SLC22A3: variants seen among roughly 807,000 people sequenced by gnomAD.
SLC22A3 encodes EMT organic cation transporter 3.
A neutral mutation model predicts 59.1 loss-of-function variants in SLC22A3; 51 were observed. The ratio of observed to expected loss-of-function variants is 0.86; its 90% confidence interval spans 0.69 to 1.09. The LOEUF (loss-of-function observed/expected upper bound fraction) is 1.09. Ranked by LOEUF, SLC22A3 falls within the 50% of genes least tolerant of loss-of-function variation. SLC22A3 has a pLI of 0.00. For missense variants in SLC22A3, 711 were observed against 726.3 expected, an observed-to-expected ratio of 0.98 and a Z score of 0.24; for synonymous variants, 325 against 292.0, an observed-to-expected ratio of 1.11 and a Z score of -1.15.
At position 160,384,567 on chromosome 6, in the gene SLC22A3, G is replaced by A. The variant is rs145951556; in HGVS notation, c.430-13412G>A. On this transcript the variant is annotated intron_variant, in intron 1 of 10. Transcript: ENST00000275300. ...AAAGACTCAGGTGTTTCTAAGCCAG[G>A]GGAGCCAGTGGGGCTGAACACAAGA... Among the ~76,000 whole-genome samples, 1,094 of 152,222 alleles carry A rather than the reference G, an allele frequency of 7.2e-3. 3 individuals are homozygous for A. Among genetic ancestry groups the A allele is most frequent in the Non-Finnish European group, 0.012 (808 of 67,996 alleles).
intron 5 of SLC22A3, 70 bp from the exon 6 acceptor site, chr6:160,436,710 G>T: frequency 3.1e-6 from 3 of 956,800 alleles, no homozygotes; most frequent in South Asian, 2.9e-5. Context: ...TCTGGTTAAT[G>T]ACAAGTCTAT....
rs150818262 is a variant in SLC22A3 at position 160,406,523 on chromosome 6, C to T, written c.534-518C>T. On this transcript the variant is annotated intron_variant, in intron 2 of 10. Transcript: ENST00000275300. ...AACTTTGTAGTTTATAAAACACTTT[C>T]ACATTAACATCTCATTTGATCCTCT... 1.5e-3 allele frequency among the ~76,000 whole-genome samples: 223 copies of T among 152,288 alleles called. 2 individuals carry two copies. The Middle Eastern group carries it at 0.02, about 14-fold the overall frequency.
At chr6:160,443,293 C>T (rs1429417801) in intron 8 of SLC22A3, among the ~76,000 whole-genome samples, 2 of 152,190 alleles carry the variant, frequency 1.3e-5, no homozygotes, top group Non-Finnish European at 2.9e-5. Context: ...CGGATTAGTG[C>T]AAATCAACCT....
chr6:160,382,571 C>A, intron 1 of SLC22A3, among the ~76,000 whole-genome samples: 1 of 152,264 alleles, frequency 6.6e-6, no homozygotes, highest in South Asian at 2.1e-4. Context: ...CTCAGAAAGG[C>A]TGCAGTGACT....
rs370990937 is a variant in SLC22A3, at chr6:160,408,767, G to T, written c.703G>T (p.Gly235Cys). ...TTTTCCTTTAGTGACAGAAATAGTA[G>T]GTTCGAAACAAAGGAGGATTGTGGG... is the stretch of plus-strand genomic sequence containing the variant. Reference protein sequence around the residue: ...TCYVIVTEIVGSKQRRIVGIV... With the variant: ...TCYVIVTEIVCSKQRRIVGIV... The change falls in exon 4 of 11, where the codon GGT (glycine) becomes TGT (cysteine). Residue 235 changes from glycine (G) to cysteine (C), a missense_variant. Transcript: ENST00000275300. 1 of 1,613,426 alleles carries T rather than the reference G, an allele frequency of 6.2e-7. No individual in the cohort carries two copies. The highest frequency in any genetic ancestry group is 8.5e-7 in the Non-Finnish European group (1 of 1,179,674).
intron 1 of SLC22A3, among the ~76,000 whole-genome samples, chr6:160,385,683 C>T (rs1037716854): frequency 7.9e-5 from 12 of 152,176 alleles, no homozygotes; most frequent in South Asian, 6.2e-4. Flanking sequence ...GCCTTCCAGC[C>T]GACGCAGGAG....
chr6:160,411,689 C>T (rs777132396), intron 5 of SLC22A3, among the ~76,000 whole-genome samples: 1 of 152,110 alleles, frequency 6.6e-6, no homozygotes, highest in Non-Finnish European at 1.5e-5. Flanking sequence ...CTGCAGTGAG[C>T]CATGATCACA....
At chr6:160,403,878 A>T (rs1786895120) in intron 2 of SLC22A3, among the ~76,000 whole-genome samples, 1 of 151,996 alleles carries the variant, frequency 6.6e-6, no homozygotes, top group Admixed American at 6.6e-5. Context: ...TATATGACAA[A>T]AGCTCTCAGT....
chr6:160,361,533 A>G (rs112752693), intron 1 of SLC22A3, among the ~76,000 whole-genome samples: 1 of 152,214 alleles, frequency 6.6e-6, no homozygotes, highest in South Asian at 2.1e-4. Context: ...AGGCTTCAAT[A>G]ATGTTCACTG....
In SLC22A3 at chr6:160,424,286, G is replaced by A. The variant is rs542812724; in HGVS notation, c.976-12494G>A. On this transcript the variant is annotated intron_variant, in intron 5 of 10. Transcript: ENST00000275300. ...GATTAAAAAAAATGTACTTTCTTCA[G>A]ATAAAATTAAATACAGTTAGAATTA... 3.9e-5 allele frequency among the ~76,000 whole-genome samples: 6 copies of A among 152,254 alleles called. No homozygotes were observed. The East Asian group carries it at 9.6e-4, about 24-fold the overall frequency.
intron 7 of SLC22A3, among the ~76,000 whole-genome samples, chr6:160,442,049 G>A (rs1788562083): frequency 6.6e-6 from 1 of 152,216 alleles, no homozygotes; most frequent in Non-Finnish European, 1.5e-5. Context: ...TTAGTAGGGA[G>A]GAAAGGAAAA....
chr6:160,410,716 CCTT>C lies in SLC22A3; in HGVS notation c.858-9_858-7del. 3 of 1,557,328 alleles carry C rather than the reference CCTT, an allele frequency of 1.9e-6. No homozygotes were observed. Among genetic ancestry groups the C allele is most frequent in the Non-Finnish European group, 1.8e-6 (2 of 1,128,442 alleles). ...TCCTAGACATAACTCACAACAGCCT[CCTT>C]CTTTGCCAGGGTGGTCCCTGAGTCT... On this transcript the variant is annotated splice_polypyrimidine_tract_variant and intron_variant, in intron 4 of 10. Transcript: ENST00000275300.
chr6:160,386,555 G>C (rs147053670), intron 1 of SLC22A3, among the ~76,000 whole-genome samples: 2 of 152,350 alleles, frequency 1.3e-5, no homozygotes, highest in African/African-American at 4.8e-5. Context: ...GCTGTGGGAA[G>C]GGGAAGTATA....
At chr6:160,436,689 G>A in intron 5 of SLC22A3, 91 bp from the exon 6 acceptor site, 1 of 799,384 alleles carries the variant, frequency 1.3e-6, no homozygotes, top group Admixed American at 2.3e-5. Flanking sequence ...ACTTCAGTAA[G>A]ATCATTTGAT....
intron 9 of SLC22A3, 69 bp downstream of exon 9, chr6:160,443,811 A>C: frequency 1.3e-6 from 1 of 786,982 alleles, no homozygotes; most frequent in Non-Finnish European, 2.0e-6. Flanking sequence ...ACCTATAATA[A>C]TTGTTAGGTT....
chr6:160,433,800 C>T (rs988406990), intron 5 of SLC22A3, among the ~76,000 whole-genome samples: 6 of 152,230 alleles, frequency 3.9e-5, no homozygotes, highest in Non-Finnish European at 8.8e-5. Flanking sequence ...TTCCCTTCAA[C>T]TCTGGGATGT....
Position 160,451,535 on chromosome 6 carries a change from G to A in SLC22A3, c.*479G>A, listed in dbSNP as rs1197322732. 1 of 167,980 alleles carries A rather than the reference G, an allele frequency of 6.0e-6. No individual in the cohort carries two copies. The highest frequency in any genetic ancestry group is 1.3e-5 in the Non-Finnish European group (1 of 76,854). The allele number at this position is 167,980 out of a possible 1,614,324, so 10.4% of individuals were successfully genotyped here. A position where few individuals can be genotyped will look rare whatever the true frequency, so the allele number is the denominator to read the frequency against. ...AGATTGCATGGAGGATGAACATCTG[G>A]GAATCCTGTTAATGAGAAGGCTGAA... On this transcript the variant is annotated 3_prime_UTR_variant, in exon 11 of 11. Coordinates refer to ENST00000275300, the MANE Select transcript of SLC22A3 (RefSeq NM_021977.4).
At chr6:160,404,810 C>G (rs1786937753) in intron 2 of SLC22A3, among the ~76,000 whole-genome samples, 1 of 150,168 alleles carries the variant, frequency 6.7e-6, no homozygotes, top group Non-Finnish European at 1.5e-5. Flanking sequence ...ATATAGTCAA[C>G]TGACCTTTGA....
chr6:160,379,536 A>C (rs1018667331), intron 1 of SLC22A3, among the ~76,000 whole-genome samples: 1 of 151,508 alleles, frequency 6.6e-6, no homozygotes, highest in African/African-American at 2.4e-5. Flanking sequence ...CATAAAAGTC[A>C]GTGAAAATCT....
Sources: gnomAD v4.1 joint callset for allele counts (sites outside exome capture counted in the v4.1 genomes callset) on GRCh38, gnomAD v4.1.1 for gene constraint, MANE v1.5 for transcripts, NCBI Gene and HGNC (gene_info 2026-07-23, HGNC 2026-07-21) for gene names.